DIAPH2: variants seen among roughly 807,000 people sequenced by gnomAD.
The protein encoded by DIAPH2 is diaphanous related formin 2.
DIAPH2 carries 35 observed loss-of-function variants against 92.7 expected under a neutral mutation model. The ratio of observed to expected loss-of-function variants is 0.38; its 90% CI spans 0.29 to 0.50. The LOEUF (loss-of-function observed/expected upper bound fraction) is 0.50. Ranked by LOEUF, DIAPH2 falls within the 20% of genes least tolerant of loss-of-function variation. DIAPH2 has a pLI of 0.94. For synonymous variants in DIAPH2, 301 were observed against 280.4 expected, an observed-to-expected ratio of 1.07 and a Z score of -0.73; for missense variants, 701 against 819.5, an observed-to-expected ratio of 0.86 and a Z score of 1.77.
At chrX:97,077,661 A>T (rs2147915692) in intron 19 of DIAPH2, among the ~76,000 whole-genome samples, 1 of 112,263 alleles carries the variant, frequency 8.9e-6, no homozygotes, top group South Asian at 3.7e-4. Flanking sequence ...GTTAGTTGGC[A>T]GGATAATTGT....
In DIAPH2 at chrX:97,064,082, C is replaced by T. The variant is rs111846156; in HGVS notation, c.2051-8859C>T. Among the ~76,000 whole-genome samples, 962 of 112,168 alleles carry T rather than the reference C, an allele frequency of 8.6e-3. 14 individuals are homozygous for T. Among genetic ancestry groups the T allele is most frequent in the African/African-American group, 0.03 (912 of 30,897 alleles). ...TACTGGAGCTTTTACATGTATGTGC[C>T]ATTTCTTTCTCACAACATTCCTATG... is the stretch of plus-strand genomic sequence containing the variant. On this transcript the variant is annotated intron_variant, in intron 17 of 26. Transcript: ENST00000324765.
chrX:96,851,765 A>C lies in DIAPH2; in HGVS notation c.448-29814A>C, dbSNP rs989421901. 2.7e-5 allele frequency among the ~76,000 whole-genome samples: 3 copies of C among 112,338 alleles called. No individual in the cohort carries two copies. The East Asian group carries it at 8.3e-4, about 31-fold the overall frequency. On this transcript the variant is annotated intron_variant, in intron 4 of 26. Transcript: ENST00000324765. ...GGGCTGACTGTATTTTTACTGACAA[A>C]AGTTTAAACATAAAAGCAATAACCA...
chrX:97,191,188 C>T (rs1396255542), intron 22 of DIAPH2, among the ~76,000 whole-genome samples: 1 of 109,659 alleles, frequency 9.1e-6, no homozygotes, highest in South Asian at 3.9e-4. Flanking sequence ...ATTAGCTGGG[C>T]TTGGTGGCTC....
chrX:96,837,913 C>G (rs1569409826), intron 4 of DIAPH2, among the ~76,000 whole-genome samples: 1 of 111,701 alleles, frequency 9.0e-6, no homozygotes, highest in East Asian at 2.8e-4. Flanking sequence ...TTATAGATGT[C>G]ATCTTATTTA....
intron 26 of DIAPH2, among the ~76,000 whole-genome samples, chrX:97,585,860 C>T: frequency 8.9e-6 from 1 of 112,051 alleles, no homozygotes; most frequent in East Asian, 2.8e-4. Flanking sequence ...CTTTATTTTA[C>T]TGCATCTTTC....
At chrX:97,268,647 A>G (rs1488380786) in intron 23 of DIAPH2, among the ~76,000 whole-genome samples, 3 of 111,483 alleles carry the variant, frequency 2.7e-5, no homozygotes, top group Non-Finnish European at 5.6e-5. Flanking sequence ...ATCTTGCTCA[A>G]GTTTACTCAG....
At chrX:97,206,701 G>C (rs976667013) in intron 22 of DIAPH2, among the ~76,000 whole-genome samples, 1 of 111,412 alleles carries the variant, frequency 9.0e-6, no homozygotes, top group African/African-American at 3.3e-5. Flanking sequence ...CACATCTTAC[G>C]CTCTGCTGAG....
At chrX:97,070,855 T>C (rs1381569625) in intron 17 of DIAPH2, among the ~76,000 whole-genome samples, 1 of 111,786 alleles carries the variant, frequency 8.9e-6, no homozygotes, top group Non-Finnish European at 1.9e-5. Context: ...ATTTGTTCAC[T>C]TGAAAAGGGG....
intron 9 of DIAPH2, among the ~76,000 whole-genome samples, chrX:96,921,201 T>C (rs1357232594): frequency 8.9e-6 from 1 of 111,817 alleles, no homozygotes; most frequent in Non-Finnish European, 1.9e-5. Flanking sequence ...TTTGGGGTTT[T>C]AAAAAAGGTT....
At chrX:97,326,447 C>G (rs1254752812) in intron 23 of DIAPH2, among the ~76,000 whole-genome samples, 1 of 111,892 alleles carries the variant, frequency 8.9e-6, no homozygotes, top group Non-Finnish European at 1.9e-5. Context: ...AAATTGCAGC[C>G]AGAAATAACC....
intron 5 of DIAPH2, among the ~76,000 whole-genome samples, chrX:96,901,088 C>T (rs1020981493): frequency 9.0e-6 from 1 of 111,257 alleles, no homozygotes; most frequent in Non-Finnish European, 1.9e-5. Flanking sequence ...CCATCTGGTC[C>T]TGGAGTTTTT....
chrX:97,199,934 G>T (rs1390709651), intron 22 of DIAPH2, among the ~76,000 whole-genome samples: 2 of 110,685 alleles, frequency 1.8e-5, no homozygotes, highest in Non-Finnish European at 3.8e-5. Flanking sequence ...GGATGGAGGA[G>T]CCAAGATGGC....
chrX:96,912,238 C>G (rs2065473081), intron 5 of DIAPH2, 90 bp from the exon 6 acceptor site: 2 of 723,092 alleles, frequency 2.8e-6, no homozygotes, highest in Non-Finnish European at 2.1e-6. Context: ...ACAGAATTAT[C>G]AGATTTGAAA....
intron 23 of DIAPH2, among the ~76,000 whole-genome samples, chrX:97,288,656 G>A (rs1273139718): frequency 9.3e-6 from 1 of 107,213 alleles, no homozygotes; most frequent in Non-Finnish European, 1.9e-5. Flanking sequence ...CAGGAGAATC[G>A]CTTGAACCTG....
chrX:97,112,705 A>T (rs763719638), intron 20 of DIAPH2, among the ~76,000 whole-genome samples: 2 of 95,879 alleles, frequency 2.1e-5, no homozygotes, highest in Admixed American at 1.2e-4. Flanking sequence ...CTCTCTCTTT[A>T]CTTTTCTCAC....
At chrX:96,735,204 T>C (rs1328987563) in intron 1 of DIAPH2, among the ~76,000 whole-genome samples, 3 of 111,874 alleles carry the variant, frequency 2.7e-5, no homozygotes, top group Non-Finnish European at 5.6e-5. Context: ...TTAGAATATT[T>C]TAAAAATATT....
intron 17 of DIAPH2, among the ~76,000 whole-genome samples, chrX:96,978,813 ATGT>A (rs2065977887): frequency 9.0e-6 from 1 of 110,947 alleles, no homozygotes; most frequent in Non-Finnish European, 1.9e-5. Context: ...TGCATAGAAG[ATGT>A]TGTCAGGGTT....
At chrX:97,245,017 A>T (rs1459780328) in intron 22 of DIAPH2, among the ~76,000 whole-genome samples, 1 of 110,500 alleles carries the variant, frequency 9.0e-6, no homozygotes, top group African/African-American at 3.3e-5. Flanking sequence ...TGAACCAGGG[A>T]ATCGGAGGTT....
intron 4 of DIAPH2, among the ~76,000 whole-genome samples, chrX:96,797,830 T>G (rs2064552494): frequency 8.9e-6 from 1 of 112,783 alleles, no homozygotes; most frequent in South Asian, 3.6e-4. Context: ...ATGTCTGTCT[T>G]TCTGACTGCT....
Sources: allele counts gnomAD v4.1 joint callset (sites outside exome capture counted in the v4.1 genomes callset), GRCh38; gene constraint gnomAD v4.1.1; transcripts MANE v1.5; gene names NCBI Gene and HGNC (gene_info 2026-07-23, HGNC 2026-07-21).